ABCC12: variants seen among roughly 807,000 people sequenced by gnomAD.
The protein encoded by ABCC12 is ATP-binding cassette sub-family C member 12.
ABCC12 carries 142 observed loss-of-function variants against 151.1 expected under a neutral mutation model. The observed-to-expected ratio is 0.94, with a 90% CI of 0.82 to 1.08. The LOEUF (loss-of-function observed/expected upper bound fraction) is 1.08, where lower values mean the gene tolerates loss of function less well. ABCC12 is among the 50% of genes least tolerant of loss of function. The pLI, the probability that ABCC12 is intolerant of heterozygous loss-of-function variation, is 0.00. For synonymous variants in ABCC12, 645 were observed against 646.4 expected, an observed-to-expected ratio of 1.00 and a Z score of 0.03; for missense variants, 1,638 against 1,691.1, an observed-to-expected ratio of 0.97 and a Z score of 0.55.
rs141008064 is a variant in ABCC12 at position 48,105,214 on chromosome 16, G to A, written c.2598C>T (p.Gly866=). The change falls in exon 21 of 31, where the codon GGC becomes GGT. Residue 866 remains glycine, a synonymous_variant. Transcript: ENST00000311303. ...TGGTGAAGACGAAGCCTTTGGTGAC[G>A]CCAAACACCAGCATGAACACCATGC... ...TASMVFMLVF[G]VTKGFVFTKT... is the part of the protein sequence containing the mutation. 681 of 1,614,130 alleles carry A rather than the reference G, an allele frequency of 4.2e-4. 4 individuals are homozygous for A. The African/African-American group carries it at 6.4e-3, about 15-fold the overall frequency.
In ABCC12 at chr16:48,096,740, C is replaced by A. The variant is rs778926587; in HGVS notation, c.3195+6G>T. ...AGACTAAGCCCAACTTTGCACCAGG[C>A]ATTACCTGGATGATGTATGACAATG... On this transcript the variant is annotated splice_donor_region_variant and intron_variant, in intron 24 of 30. Coordinates refer to ENST00000311303, the MANE Select transcript of ABCC12 (RefSeq NM_001393797.1). The A allele has an allele frequency of 6.2e-7, 1 of 1,613,834 alleles. No individual in the cohort carries two copies. Among genetic ancestry groups the A allele is most frequent in the Non-Finnish European group, 8.5e-7 (1 of 1,179,788 alleles).
rs564393566 is a variant in ABCC12 at position 48,141,113 on chromosome 16, A to G, written c.423+93T>C. On this transcript the variant is annotated intron_variant, in intron 5 of 30. Coordinates refer to ENST00000311303, the MANE Select transcript of ABCC12 (RefSeq NM_001393797.1). ...AGGAGCGCAAAGATAATGACAATGC[A>G]CTAAACCCACCAGCTCGTAGAGAAA... 1,616 of 1,537,028 alleles carry G rather than the reference A, an allele frequency of 1.1e-3. 3 individuals carry two copies. The highest frequency in any genetic ancestry group is 1.4e-3 in the Non-Finnish European group (1,536 of 1,137,514).
At position 48,105,403 on chromosome 16, in the gene ABCC12, G is replaced by A. The variant is rs181683495; in HGVS notation, c.2476-67C>T. The A allele has an allele frequency of 7.5e-5, 110 of 1,467,664 alleles. No individual in the cohort carries two copies. The East Asian group carries it at 7.9e-4, about 11-fold the overall frequency. 90.9% of individuals were successfully genotyped at this position (1,467,664 alleles called of 1,614,324 possible). A position where few individuals can be genotyped will look rare whatever the true frequency, so the allele number is the denominator to read the frequency against. On this transcript the variant is annotated intron_variant, in intron 20 of 30. Coordinates refer to ENST00000311303, the MANE Select transcript of ABCC12 (RefSeq NM_001393797.1). ...CCTGCCAGGAGAACAGGAATTTTCCGGAGAATCTTTCCAGAGAGAAGAAAC... is the reference window on the plus strand; with the variant it reads ...CCTGCCAGGAGAACAGGAATTTTCCAGAGAATCTTTCCAGAGAGAAGAAAC...
chr16:48,154,278 T>G (rs1264385040), intron 1 of ABCC12, among the ~76,000 whole-genome samples: 1 of 152,154 alleles, frequency 6.6e-6, no homozygotes, highest in African/African-American at 2.4e-5. Flanking sequence ...ACAAAGACCA[T>G]GTACAACTTG....
At chr16:48,138,039 A>C (rs945470865) in intron 8 of ABCC12, among the ~76,000 whole-genome samples, 189 bp downstream of exon 8, 4 of 152,222 alleles carry the variant, frequency 2.6e-5, no homozygotes, top group African/African-American at 4.8e-5. Context: ...CCCTGGGTTC[A>C]CCAGAACAGA....
chr16:48,088,116 C>A, intron 26 of ABCC12, 31 bp from the exon 27 acceptor site: 1 of 1,606,730 alleles, frequency 6.2e-7, no homozygotes, highest in South Asian at 1.1e-5. Flanking sequence ...AACAACAAAT[C>A]AAACATCAGT....
chr16:48,115,979 G>A (rs1471558277), intron 14 of ABCC12, among the ~76,000 whole-genome samples: 1 of 152,220 alleles, frequency 6.6e-6, no homozygotes, highest in Non-Finnish European at 1.5e-5. Context: ...GAGCTGGGGA[G>A]AATGCAGCAG....
rs1486682710 is a variant in ABCC12, at chr16:48,081,144, TTA to T, written c.*2569_*2570del. On this transcript the variant is annotated 3_prime_UTR_variant, in exon 31 of 31. Transcript: ENST00000311303. ...TACCTCTATACTGTCACACTGAGGA[TTA>T]TGTTTCAACAGGAGGATTTTGGGGG... Among the ~76,000 whole-genome samples the T allele has an allele frequency of 6.6e-6, 1 of 152,162 alleles. No homozygotes were observed. Among genetic ancestry groups the T allele is most frequent in the Non-Finnish European group, 1.5e-5 (1 of 68,024 alleles).
intron 2 of ABCC12, among the ~76,000 whole-genome samples, chr16:48,152,484 G>T (rs749264075): frequency 1.3e-5 from 2 of 152,188 alleles, no homozygotes; most frequent in Non-Finnish European, 2.9e-5. Flanking sequence ...CCCAGTGGCC[G>T]CTGGGCCACT....
At position 48,107,312 on chromosome 16, in the gene ABCC12, G is replaced by A. The variant is rs770330631; in HGVS notation, c.2475+10C>T. On this transcript the variant is annotated intron_variant, in intron 20 of 30. Transcript: ENST00000311303. ...GACTCGGCATCTTCCAATGCCAAAGGGAAACTCACCCGTGAGCCCTTGTCC... is the reference window on the plus strand; with the variant it reads ...GACTCGGCATCTTCCAATGCCAAAGAGAAACTCACCCGTGAGCCCTTGTCC... 22 of 1,613,180 alleles carry A rather than the reference G, an allele frequency of 1.4e-5. No individual in the cohort carries two copies. Among genetic ancestry groups the A allele is most frequent in the South Asian group, 1.1e-4 (10 of 91,066 alleles).
At chr16:48,086,042 G>A (rs947054668) in intron 28 of ABCC12, 1 of 233,924 alleles carries the variant, frequency 4.3e-6, no homozygotes, top group African/African-American at 2.3e-5. Context: ...AAATAGAGAT[G>A]GGATGGGAGA....
intron 24 of ABCC12, among the ~76,000 whole-genome samples, chr16:48,094,764 C>T (rs116143599): frequency 0.015 from 2,353 of 152,266 alleles, 59 homozygotes; most frequent in African/African-American, 0.054. Flanking sequence ...TACCTAAAAG[C>T]CAGCTCCCTG....
At chr16:48,103,767 C>G (rs907981697) in intron 22 of ABCC12, among the ~76,000 whole-genome samples, 2 of 152,218 alleles carry the variant, frequency 1.3e-5, no homozygotes, top group Admixed American at 6.5e-5. Context: ...GAACCCCCGC[C>G]CCGACACTGT....
At chr16:48,146,716 G>A (rs1410369857) in intron 2 of ABCC12, 2 of 297,072 alleles carry the variant, frequency 6.7e-6, no homozygotes, top group South Asian at 1.1e-4. Flanking sequence ...GGTTGGCCAA[G>A]AGCAGAAAAC....
Position 48,115,555 on chromosome 16 carries a change from C to T in ABCC12, c.1849G>A (p.Val617Ile), listed in dbSNP as rs1400795388. The change falls in exon 15 of 31, where the codon GTC becomes ATC. Residue 617 changes from valine to isoleucine, a missense_variant. Physicochemically the swap from Val to Ile is conservative, Grantham distance 29. Transcript: ENST00000311303. The stretch of plus-strand genomic sequence containing the variant: ...AGGTAGAGCTGACGGTCGGAGTAGA[C>T]AGCGCGGGCCAGGCTAATCCTCTGC... The part of the protein sequence containing the change: ...QRQRISLARA[V>I]YSDRQLYLLD... 2 of 1,614,072 alleles carry T rather than the reference C, an allele frequency of 1.2e-6. No homozygotes were observed. The highest frequency in any genetic ancestry group is 2.7e-5 in the African/African-American group (2 of 74,952).
intron 6 of ABCC12, 102 bp from the exon 7 acceptor site, chr16:48,139,438 G>T: frequency 3.8e-5 from 47 of 1,252,258 alleles, no homozygotes; most frequent in East Asian, 9.8e-5. Flanking sequence ...GGAGAAAGGA[G>T]AAAAACTTCT....
chr16:48,088,485 C>T, intron 26 of ABCC12, 60 bp downstream of exon 26: 1 of 1,544,926 alleles, frequency 6.5e-7, no homozygotes, highest in East Asian at 2.3e-5. Context: ...TTAACTAGGA[C>T]ATCCAGTGGA....
At chr16:48,137,445 G>C (rs1964647777) in intron 8 of ABCC12, among the ~76,000 whole-genome samples, 1 of 152,224 alleles carries the variant, frequency 6.6e-6, no homozygotes. Context: ...TGAACTCAGA[G>C]TGTGAGGATG....
chr16:48,101,322 G>A (rs1008292072), intron 22 of ABCC12, among the ~76,000 whole-genome samples: 6 of 152,160 alleles, frequency 3.9e-5, no homozygotes, highest in African/African-American at 1.4e-4. Flanking sequence ...ATACAGCACA[G>A]CCCCTAAGTA....
Sources: allele counts gnomAD v4.1 joint callset (sites outside exome capture counted in the v4.1 genomes callset), GRCh38; gene constraint gnomAD v4.1.1; transcripts MANE v1.5; gene names NCBI Gene and HGNC (gene_info 2026-07-23, HGNC 2026-07-21).